Variants in ZMYM1 observed in about 807,000 individuals in gnomAD.
ZMYM1 encodes the protein zinc finger MYM-type protein 1.
ZMYM1 carries 39 observed loss-of-function variants against 60.0 expected under a neutral mutation model. The observed-to-expected ratio is 0.65, with a 90% CI of 0.50 to 0.85. The LOEUF (loss-of-function observed/expected upper bound fraction) is 0.85, where lower values mean the gene tolerates loss of function less well. ZMYM1 is among the 40% of genes least tolerant of loss of function. The probability of loss-of-function intolerance (pLI) is 0.00; values close to 1 mark genes in which losing one functional copy is unlikely to be tolerated. For synonymous variants in ZMYM1, 413 were observed against 454.0 expected (o/e 0.91, Z 1.15); for missense variants, 1,171 against 1,309.5 (o/e 0.89, Z 1.63).
intron 1 of ZMYM1, among the ~76,000 whole-genome samples, chr1:35,091,887 CAAAAAAAAAAAA>C (rs779081046): frequency 7.1e-5 from 6 of 84,524 alleles, no homozygotes; most frequent in East Asian, 4.3e-4. Flanking sequence ...GATCTTGTCT[CAAAAAAAAAAAA>C]AAAAAAAAAA....
chr1:35,085,334 A>T (rs1221110089), intron 1 of ZMYM1, among the ~76,000 whole-genome samples: 1 of 152,306 alleles, frequency 6.6e-6, no homozygotes, highest in East Asian at 1.9e-4. Flanking sequence ...GGCGTGAGCC[A>T]CCGCGCCCGG....
Position 35,102,943 on chromosome 1 carries a change from T to G in ZMYM1, c.420-1352T>G, listed in dbSNP as rs562505797. Among the ~76,000 whole-genome samples the G allele has an allele frequency of 5.1e-4, 77 of 152,332 alleles. 1 individual carries two copies. In the South Asian group the frequency reaches 0.015, roughly 30 times the overall value. On this transcript the variant is annotated intron_variant, in intron 4 of 9. Coordinates refer to ENST00000359858, the MANE Select transcript of ZMYM1 (RefSeq NM_024772.5). ...AATTTAAAATATTTTGCTGTTTCATTGAGTACTTCCTTAAGTGAAACTGAT... is the reference window on the plus strand; with the variant it reads ...AATTTAAAATATTTTGCTGTTTCATGGAGTACTTCCTTAAGTGAAACTGAT...
At chr1:35,061,803 T>C (rs868746819) in intron 1 of ZMYM1, among the ~76,000 whole-genome samples, 2 of 150,050 alleles carry the variant, frequency 1.3e-5, no homozygotes, top group Middle Eastern at 3.4e-3. Context: ...AATATAGACA[T>C]CTTATTTCCC....
chr1:35,088,452 A>ATGTGTGTGTGTG (rs1436872757), intron 1 of ZMYM1, among the ~76,000 whole-genome samples: 1 of 101,650 alleles, frequency 9.8e-6, no homozygotes, highest in African/African-American at 4.9e-5. Context: ...ATATATATAT[A>ATGTGTGTGTGTG]TATGTGTGTG....
chr1:35,095,501 GA>G (rs60070624), intron 2 of ZMYM1, among the ~76,000 whole-genome samples: 2,167 of 107,912 alleles, frequency 0.02, 18 homozygotes, highest in Middle Eastern at 0.054. Flanking sequence ...AAAAAAAAAA[GA>G]AAAAAAAAAA....
At chr1:35,118,223 A>G (rs1245978950), downstream of ZMYM1, among the ~76,000 whole-genome samples, 1 of 147,212 alleles carries the variant, frequency 6.8e-6, no homozygotes, top group Non-Finnish European at 1.5e-5. Context: ...CCTGGGCGAC[A>G]AGAGTGAAAC....
Position 35,114,653 on chromosome 1 carries a change from T to G in ZMYM1, c.2823T>G (p.Ile941Met). Residue 941 changes from isoleucine to methionine, a missense_variant, in exon 10 of 10, where the codon ATT (isoleucine) becomes ATG (methionine). By Grantham distance (10) the Ile-to-Met change is conservative. Transcript: ENST00000359858. ...CTTCTCTTCAGAAAAGAAGAAAAAT[T>G]CAGAAATCAGTAGATCTTGGCAATT... ...EKPSLQKRRK[I>M]QKSVDLGNSD... The G allele has an allele frequency of 6.3e-7, 1 of 1,597,116 alleles. No homozygotes were observed. Among genetic ancestry groups the G allele is most frequent in the East Asian group, 2.2e-5 (1 of 44,718 alleles).
intron 6 of ZMYM1, among the ~76,000 whole-genome samples, chr1:35,106,918 C>G (rs1570010622): frequency 6.6e-6 from 1 of 151,656 alleles, no homozygotes; most frequent in East Asian, 2.0e-4. Flanking sequence ...GTGGCGCAAT[C>G]TCAGCTCACT....
intron 1 of ZMYM1, among the ~76,000 whole-genome samples, chr1:35,061,119 AT>A (rs1359393526): frequency 6.6e-6 from 1 of 152,238 alleles, no homozygotes; most frequent in Non-Finnish European, 1.5e-5. Flanking sequence ...CTTGGATTCT[AT>A]GGTCACATCA....
chr1:35,097,224 T>A, intron 3 of ZMYM1, 93 bp from the exon 4 acceptor site: 3 of 1,412,758 alleles, frequency 2.1e-6, no homozygotes, highest in Non-Finnish European at 2.9e-6. Context: ...AACAAGACCC[T>A]GTCTCTAAAA....
At chr1:35,080,311 CTTCTT>C (rs1301028337) in intron 1 of ZMYM1, among the ~76,000 whole-genome samples, 8 of 145,930 alleles carry the variant, frequency 5.5e-5, no homozygotes, top group African/African-American at 2.1e-4. Flanking sequence ...TATATTTGTG[CTTCTT>C]TTTTTTTTTT....
intron 1 of ZMYM1, among the ~76,000 whole-genome samples, chr1:35,087,284 GC>G: frequency 1.3e-5 from 2 of 151,988 alleles, no homozygotes; most frequent in Middle Eastern, 6.8e-3. Context: ...GAGCCACTGT[GC>G]CCGCCCAAAA....
intron 1 of ZMYM1, among the ~76,000 whole-genome samples, chr1:35,086,244 T>A (rs989155315): frequency 3.3e-5 from 5 of 152,104 alleles, no homozygotes; most frequent in Non-Finnish European, 5.9e-5. Context: ...TCCCAAAATT[T>A]TCAATATATA....
chr1:35,104,530 T>A, intron 5 of ZMYM1, 27 bp from the exon 6 acceptor site: 1 of 1,612,620 alleles, frequency 6.2e-7, no homozygotes, highest in Non-Finnish European at 8.5e-7. Context: ...ATCAGAGTTT[T>A]TACTGAATCT....
At chr1:35,085,191 G>A (rs1642591297) in intron 1 of ZMYM1, among the ~76,000 whole-genome samples, 1 of 151,924 alleles carries the variant, frequency 6.6e-6, no homozygotes, top group Non-Finnish European at 1.5e-5. Context: ...GGGACTACAG[G>A]TGCCCACTAC....
intron 1 of ZMYM1, among the ~76,000 whole-genome samples, chr1:35,083,455 G>A (rs1302046935): frequency 6.6e-6 from 1 of 151,986 alleles, no homozygotes; most frequent in Non-Finnish European, 1.5e-5. Flanking sequence ...CCCAACCTTA[G>A]TGCTTTTAAG....
At position 35,113,990 on chromosome 1, in the gene ZMYM1, T is replaced by G. The variant is rs1353400979; in HGVS notation, c.2160T>G (p.Thr720=). 3 of 1,607,692 alleles carry G rather than the reference T, an allele frequency of 1.9e-6. No individual in the cohort carries two copies. The highest frequency in any genetic ancestry group is 2.5e-6 in the Non-Finnish European group (3 of 1,178,538). ...KIHGQAYDST[T]NLKIKFNKIA... ...ATGGCCAGGCCTATGATAGCACCAC[T>G]AATTTGAAGATAAAATTTAATAAAA... The change falls in exon 10 of 10, where the codon ACT becomes ACG. Residue 720 remains threonine (T), a synonymous_variant. Coordinates refer to ENST00000359858, the MANE Select transcript of ZMYM1 (RefSeq NM_024772.5).
chr1:35,115,327 T>C lies in ZMYM1; in HGVS notation c.*68T>C. ...TGGGATGTTTTCATTTCAAAATTGT[T>C]CAAAATTCAAAAGACACAGAACGAT... On this transcript the variant is annotated 3_prime_UTR_variant, in exon 10 of 10. Coordinates refer to ENST00000359858, the MANE Select transcript of ZMYM1 (RefSeq NM_024772.5). 1 of 1,466,904 alleles carries C rather than the reference T, an allele frequency of 6.8e-7. No individual in the cohort carries two copies. Among genetic ancestry groups the C allele is most frequent in the South Asian group, 1.4e-5 (1 of 70,744 alleles). 90.9% of individuals were successfully genotyped at this position (1,466,904 alleles called of 1,614,324 possible). A position where few individuals can be genotyped will look rare whatever the true frequency, so the allele number is the denominator to read the frequency against.
chr1:35,064,142 G>C (rs1377170732), intron 1 of ZMYM1, among the ~76,000 whole-genome samples: 1 of 152,016 alleles, frequency 6.6e-6, no homozygotes, highest in Non-Finnish European at 1.5e-5. Context: ...TGACCAACCT[G>C]GTGAAACCCC....
Sources: allele counts gnomAD v4.1 joint callset (sites outside exome capture counted in the v4.1 genomes callset), GRCh38; gene constraint gnomAD v4.1.1; transcripts MANE v1.5; gene names NCBI Gene and HGNC (gene_info 2026-07-23, HGNC 2026-07-21).